Variants in TGFBR2 observed in about 807,000 individuals in gnomAD.
TGFBR2 encodes transforming growth factor beta receptor 2.
Under a neutral mutation model 49.0 loss-of-function variants are expected in TGFBR2, and 18 were observed. That is an observed-to-expected ratio of 0.37 (90% CI 0.25 to 0.54). The LOEUF is 0.54. Among genes scored for constraint, TGFBR2 ranks in the 20% least tolerant of loss-of-function variants. The pLI is 0.85. For missense variants in TGFBR2, 525 were observed against 722.6 expected (o/e 0.73, Z 3.13); for synonymous variants, 282 against 275.9 (o/e 1.02, Z -0.22).
rs763659899 is a variant in TGFBR2 at position 30,691,470 on chromosome 3, A to G, written c.1575A>G (p.Pro525=). 8 of 1,614,132 alleles carry G rather than the reference A, an allele frequency of 5.0e-6. No homozygotes were observed. Among genetic ancestry groups the G allele is most frequent in the Non-Finnish European group, 5.1e-6 (6 of 1,179,990 alleles). The change falls in exon 7 of 7, where the codon CCA becomes CCG. Residue 525 remains proline (P), a synonymous_variant. Coordinates refer to ENST00000295754, the MANE Select transcript of TGFBR2 (RefSeq NM_003242.6). ...TGACTGAGTGCTGGGACCACGACCC[A>G]GAGGCCCGTCTCACAGCCCAGTGTG... ...ETLTECWDHD[P]EARLTAQCVA...
intron 5 of TGFBR2, among the ~76,000 whole-genome samples, chr3:30,682,908 A>C (rs1319869126): frequency 6.6e-6 from 1 of 152,228 alleles, no homozygotes; most frequent in Non-Finnish European, 1.5e-5. Context: ...GGGCATGTTC[A>C]TACCAGGGAC....
chr3:30,689,884 G>A (rs1699684575), intron 6 of TGFBR2, among the ~76,000 whole-genome samples: 1 of 152,130 alleles, frequency 6.6e-6, no homozygotes, highest in African/African-American at 2.4e-5. Flanking sequence ...TCAAGTTAAT[G>A]CTTAATATTT....
chr3:30,615,066 A>C (rs1698106290), intron 1 of TGFBR2, among the ~76,000 whole-genome samples: 1 of 152,226 alleles, frequency 6.6e-6, no homozygotes, highest in Non-Finnish European at 1.5e-5. Flanking sequence ...CAATGGAAAA[A>C]TGAAGTGTAT....
chr3:30,612,635 G>A (rs1698049974), intron 1 of TGFBR2, among the ~76,000 whole-genome samples: 1 of 152,180 alleles, frequency 6.6e-6, no homozygotes, highest in South Asian at 2.1e-4. Flanking sequence ...AGGACTCATG[G>A]TGGGTGACCT....
intron 1 of TGFBR2, among the ~76,000 whole-genome samples, chr3:30,608,627 G>A (rs1306350113): frequency 6.6e-6 from 1 of 152,130 alleles, no homozygotes; most frequent in East Asian, 1.9e-4. Context: ...AAGTGGATTG[G>A]GAACTTTTTA....
intron 3 of TGFBR2, among the ~76,000 whole-genome samples, chr3:30,653,825 C>T (rs1001304341): frequency 3.9e-5 from 6 of 152,306 alleles, no homozygotes; most frequent in Middle Eastern, 3.4e-3. Flanking sequence ...CATACTGTCG[C>T]TGTGCAGGGA....
At chr3:30,661,651 T>A (rs767173911) in intron 3 of TGFBR2, 12 of 493,540 alleles carry the variant, frequency 2.4e-5, no homozygotes, top group Non-Finnish European at 4.4e-5. Flanking sequence ...TGAGTTAAGG[T>A]CATTTTGAAA....
chr3:30,654,690 T>C (rs1257659705), intron 3 of TGFBR2, among the ~76,000 whole-genome samples: 1 of 152,186 alleles, frequency 6.6e-6, no homozygotes, highest in Non-Finnish European at 1.5e-5. Flanking sequence ...AGACGAGACC[T>C]GATGGGCACC....
intron 1 of TGFBR2, among the ~76,000 whole-genome samples, chr3:30,636,910 A>C (rs903694241): frequency 2.6e-5 from 4 of 151,970 alleles, no homozygotes; most frequent in Non-Finnish European, 4.4e-5. Flanking sequence ...TAAAAATACA[A>C]AAAATTAGCC....
chr3:30,632,347 T>G (rs1456372192), intron 1 of TGFBR2, among the ~76,000 whole-genome samples: 2 of 152,342 alleles, frequency 1.3e-5, no homozygotes, highest in Admixed American at 1.3e-4. Context: ...AAAATTGAAC[T>G]GGATTCTCAA....
chr3:30,691,157 A>G (rs1487995378), intron 6 of TGFBR2, among the ~76,000 whole-genome samples: 1 of 152,238 alleles, frequency 6.6e-6, no homozygotes, highest in Non-Finnish European at 1.5e-5. Flanking sequence ...TTGTGCTGTC[A>G]GGACCTATTG....
intron 2 of TGFBR2, among the ~76,000 whole-genome samples, chr3:30,648,446 AC>A (rs1698814303): frequency 6.7e-6 from 1 of 150,090 alleles, no homozygotes; most frequent in African/African-American, 2.5e-5. Context: ...ACACACACAC[AC>A]ACACACACAC....
At chr3:30,670,100 G>A (rs1015262743) in intron 3 of TGFBR2, among the ~76,000 whole-genome samples, 5 of 151,726 alleles carry the variant, frequency 3.3e-5, no homozygotes, top group East Asian at 1.9e-4. Flanking sequence ...TTTCTATTCC[G>A]CAGGTGCAGA....
At chr3:30,647,516 T>A (rs1162232978) in intron 2 of TGFBR2, among the ~76,000 whole-genome samples, 2 of 152,094 alleles carry the variant, frequency 1.3e-5, no homozygotes, top group Non-Finnish European at 2.9e-5. Flanking sequence ...CTACTATGAT[T>A]GTAGATTTCA....
At chr3:30,686,368 G>A (rs1699623049) in intron 5 of TGFBR2, among the ~76,000 whole-genome samples, 1 of 152,156 alleles carries the variant, frequency 6.6e-6, no homozygotes, top group Non-Finnish European at 1.5e-5. Flanking sequence ...TTAAATGCTT[G>A]GGTCCTTTGA....
intron 1 of TGFBR2, among the ~76,000 whole-genome samples, chr3:30,619,767 T>A (rs1239558080): frequency 6.6e-6 from 1 of 152,188 alleles, no homozygotes; most frequent in Admixed American, 6.5e-5. Context: ...CTTTTTCTAG[T>A]GGGCCTTCCT....
Position 30,693,299 on chromosome 3 carries a change from G to T in TGFBR2, c.*1700G>T, listed in dbSNP as rs1699744548. ...AATTACTAGAGAGGATTTGAATGTG[G>T]GACACAAAGGTCCCATTTGCAGTTA... On this transcript the variant is annotated 3_prime_UTR_variant, in exon 7 of 7. Coordinates refer to ENST00000295754, the MANE Select transcript of TGFBR2 (RefSeq NM_003242.6). 4.3e-6 allele frequency: 1 copy of T among 233,598 alleles called. No individual in the cohort carries two copies. The highest frequency in any genetic ancestry group is 2.2e-5 in the African/African-American group (1 of 45,298). The allele number at this position is 233,598 out of a possible 1,614,324, so 14.5% of individuals were successfully genotyped here.
At chr3:30,646,552 A>G (rs185985976) in intron 2 of TGFBR2, among the ~76,000 whole-genome samples, 8 of 152,348 alleles carry the variant, frequency 5.3e-5, no homozygotes, top group Non-Finnish European at 7.3e-5. Flanking sequence ...GGGAGGATCC[A>G]TAACATTTGC....
At position 30,681,160 on chromosome 3, in the gene TGFBR2, G is replaced by GGAAA. The variant is rs1553631102; in HGVS notation, c.1396+6914_1396+6915insGAAA. Among the ~76,000 whole-genome samples the GGAAA allele has an allele frequency of 1.0e-3, 83 of 82,940 alleles. 17 individuals are homozygous for GGAAA. The highest frequency in any genetic ancestry group is 7.9e-3 in the East Asian group (24 of 3,056). The allele number at this position is 82,940 out of a possible 152,430, so 54.4% of individuals were successfully genotyped here. ...TCAAGTTGCTGCAGCCTTGTGAGAT[G>GGAAA]AAAAAAAAAAAAAAAAAAAAAGTGC... On this transcript the variant is annotated intron_variant, in intron 5 of 6. Transcript: ENST00000295754.
Sources: gnomAD v4.1 joint callset for allele counts (sites outside exome capture counted in the v4.1 genomes callset) on GRCh38, gnomAD v4.1.1 for gene constraint, MANE v1.5 for transcripts, NCBI Gene and HGNC (gene_info 2026-07-23, HGNC 2026-07-21) for gene names.